DTNB: variants seen among roughly 807,000 people sequenced by gnomAD.
The protein encoded by DTNB is DTN-B.
Under a neutral mutation model 90.7 loss-of-function variants are expected in DTNB, and 63 were observed. That is an observed-to-expected ratio of 0.69 (90% CI 0.57 to 0.86). DTNB has a LOEUF of 0.86. Among genes scored for constraint, DTNB ranks in the 40% least tolerant of loss-of-function variants. The pLI is 0.00. For missense variants in DTNB, 744 were observed against 807.1 expected (o/e 0.92, Z 0.95); for synonymous variants, 277 against 286.7 (o/e 0.97, Z 0.34).
At chr2:25,416,125 A>C (rs1213340021) in intron 16 of DTNB, among the ~76,000 whole-genome samples, 1 of 152,184 alleles carries the variant, frequency 6.6e-6, no homozygotes, top group East Asian at 1.9e-4. Context: ...GTCAGAATTG[A>C]ATTAAATCGT....
intron 8 of DTNB, among the ~76,000 whole-genome samples, chr2:25,552,495 C>A (rs2056474457): frequency 6.6e-6 from 1 of 152,196 alleles, no homozygotes; most frequent in Non-Finnish European, 1.5e-5. Flanking sequence ...GGCCCTGGGC[C>A]CCTCACAGCT....
chr2:25,576,799 T>C lies in DTNB; in HGVS notation c.876+39A>G, dbSNP rs372652012. On this transcript the variant is annotated intron_variant, in intron 8 of 20. Coordinates refer to ENST00000406818, the MANE Select transcript of DTNB (RefSeq NM_021907.5). Reference sequence around the variant, plus strand: ...CAGGTGCTGTTACTGATCAAACAGATTAACACTCAGGGACACAGATGAAAC... The same window carrying C: ...CAGGTGCTGTTACTGATCAAACAGACTAACACTCAGGGACACAGATGAAAC... The C allele has an allele frequency of 7.2e-5, 113 of 1,579,210 alleles. 1 individual carries two copies. In the East Asian group the frequency reaches 8.7e-4, roughly 12 times the overall value.
intron 9 of DTNB, among the ~76,000 whole-genome samples, chr2:25,525,228 T>C (rs1185395658): frequency 1.3e-5 from 2 of 152,204 alleles, no homozygotes; most frequent in Admixed American, 6.5e-5. Context: ...GTTTAAAAAG[T>C]ATAAAATCAT....
chr2:25,396,859 A>C (rs1461710823), intron 16 of DTNB, among the ~76,000 whole-genome samples: 3 of 151,820 alleles, frequency 2.0e-5, no homozygotes, highest in Non-Finnish European at 4.4e-5. Context: ...CTCCCCAGCT[A>C]CTTTTCCTAT....
At chr2:25,552,104 T>C (rs1267982203) in intron 8 of DTNB, among the ~76,000 whole-genome samples, 1 of 152,240 alleles carries the variant, frequency 6.6e-6, no homozygotes, top group African/African-American at 2.4e-5. Context: ...GCTTATTCTA[T>C]TAATTCTATT....
intron 10 of DTNB, 64 bp from the exon 11 acceptor site, chr2:25,455,558 A>G: frequency 7.5e-7 from 1 of 1,341,936 alleles, no homozygotes; most frequent in South Asian, 1.3e-5. Flanking sequence ...AGAAATGAAC[A>G]TGGATTAAAA....
rs868828772 is a variant in DTNB at position 25,493,693 on chromosome 2, C to T, written c.1002-10820G>A. Among the ~76,000 whole-genome samples the T allele has an allele frequency of 2.0e-5, 3 of 152,290 alleles. No homozygotes were observed. In the South Asian group the frequency reaches 6.2e-4, roughly 32 times the overall value. On this transcript the variant is annotated intron_variant, in intron 9 of 20. Coordinates refer to ENST00000406818, the MANE Select transcript of DTNB (RefSeq NM_021907.5). ...TAGTTACAAGCTCCATTTAAATAAA[C>T]ATTGGCCATAGTATGCAAACAAACA...
At chr2:25,476,683 T>G (rs1233651852) in intron 10 of DTNB, among the ~76,000 whole-genome samples, 1 of 152,142 alleles carries the variant, frequency 6.6e-6, no homozygotes, top group Non-Finnish European at 1.5e-5. Flanking sequence ...AGCCTGAAGG[T>G]GTGACTGAAT....
intron 16 of DTNB, among the ~76,000 whole-genome samples, chr2:25,404,281 C>T (rs921379766): frequency 5.3e-5 from 8 of 152,136 alleles, no homozygotes; most frequent in Non-Finnish European, 1.0e-4. Flanking sequence ...GCAGCCTGGC[C>T]TGACGTTATG....
intron 9 of DTNB, among the ~76,000 whole-genome samples, chr2:25,530,033 A>G (rs1428201156): frequency 1.3e-5 from 2 of 152,222 alleles, no homozygotes; most frequent in Non-Finnish European, 2.9e-5. Context: ...TTTAAAATTA[A>G]AAAGGTAACC....
At chr2:25,461,184 G>A (rs1372772161) in intron 10 of DTNB, among the ~76,000 whole-genome samples, 12 of 152,242 alleles carry the variant, frequency 7.9e-5, no homozygotes, top group Non-Finnish European at 7.3e-5. Context: ...GATTACAGGC[G>A]TGAGCCACCA....
At chr2:25,505,960 G>A (rs1302091064) in intron 9 of DTNB, among the ~76,000 whole-genome samples, 1 of 152,150 alleles carries the variant, frequency 6.6e-6, no homozygotes, top group Non-Finnish European at 1.5e-5. Flanking sequence ...CTACTTGGTG[G>A]TAAAAAGAAT....
intron 10 of DTNB, among the ~76,000 whole-genome samples, chr2:25,460,326 C>T (rs1464204569): frequency 2.0e-5 from 3 of 151,936 alleles, no homozygotes; most frequent in Non-Finnish European, 2.9e-5. Context: ...AATATCCAAG[C>T]GAAGGTACTC....
intron 10 of DTNB, among the ~76,000 whole-genome samples, chr2:25,475,087 G>C (rs1209437077): frequency 6.6e-6 from 1 of 152,156 alleles, no homozygotes; most frequent in Admixed American, 6.5e-5. Context: ...TCAAGTGAAA[G>C]GAAGAGTTGC....
At chr2:25,576,804 A>G (rs2060751290) in intron 8 of DTNB, 34 bp downstream of exon 8, 1 of 1,586,418 alleles carries the variant, frequency 6.3e-7, no homozygotes, top group Admixed American at 1.8e-5. Flanking sequence ...ACAGATTAAC[A>G]CTCAGGGACA....
chr2:25,596,228 TG>T lies in DTNB; in HGVS notation c.460del (p.Gln154ArgfsTer8), dbSNP rs1321101023. 3 of 1,607,156 alleles carry T rather than the reference TG, an allele frequency of 1.9e-6. No homozygotes were observed. The highest frequency in any genetic ancestry group is 2.5e-6 in the Non-Finnish European group (3 of 1,177,426). ...CATTAAGCCATTGGAATCTGACATC[TG>T]GGAGAAAACATCTATGAGAACAAAA... ...MLDKLRYVFSQMSDSNGLMIF... is the reference protein window; with the variant it reads ...MLDKLRYVFSXMSDSNGLMIF... On this transcript the variant is annotated frameshift_variant, in exon 6 of 21. Coordinates refer to ENST00000406818, the MANE Select transcript of DTNB (RefSeq NM_021907.5). LOFTEE classifies it high-confidence loss of function.
At chr2:25,568,019 A>G (rs886572816) in intron 8 of DTNB, among the ~76,000 whole-genome samples, 1 of 152,096 alleles carries the variant, frequency 6.6e-6, no homozygotes, top group Non-Finnish European at 1.5e-5. Flanking sequence ...ATTAGCTGGC[A>G]TGGTGGTACG....
Position 25,451,573 on chromosome 2 carries a change from C to T in DTNB, c.1232G>A (p.Arg411Gln), listed in dbSNP as rs768842939. 36 of 1,609,100 alleles carry T rather than the reference C, an allele frequency of 2.2e-5. No homozygotes were observed. The highest frequency in any genetic ancestry group is 2.8e-5 in the Non-Finnish European group (33 of 1,177,812). ...CACGTTTCCTGCTTCTGCAGCCAGC[C>T]GGGCAGCATAGCGAGCTATAAGACG... Reference protein sequence around the residue: ...EHRLIARYAARLAAEAGNVTR... With the variant: ...EHRLIARYAAQLAAEAGNVTR... Residue 411 changes from arginine (R) to glutamine (Q), a missense_variant, in exon 12 of 21, where the codon CGG (arginine) becomes CAG (glutamine). Transcript: ENST00000406818.
intron 18 of DTNB, among the ~76,000 whole-genome samples, chr2:25,384,525 C>T (rs560285821): frequency 1.3e-5 from 2 of 152,120 alleles, no homozygotes; most frequent in African/African-American, 2.4e-5. Flanking sequence ...GGAAAATGGC[C>T]ACATCCTGGT....
Sources: allele counts gnomAD v4.1 joint callset (sites outside exome capture counted in the v4.1 genomes callset), GRCh38; gene constraint gnomAD v4.1.1; transcripts MANE v1.5; gene names NCBI Gene and HGNC (gene_info 2026-07-23, HGNC 2026-07-21).